Variants in NDP observed in about 807,000 individuals in gnomAD.
NDP encodes norrin.
A neutral mutation model predicts 8.4 loss-of-function variants in NDP; 2 were observed. The ratio of observed to expected loss-of-function variants is 0.24; its 90% CI spans 0.10 to 0.75. NDP has a LOEUF of 0.75. Among genes scored for constraint, NDP ranks in the 30% least tolerant of loss-of-function variants. NDP has a pLI of 0.73. For synonymous variants in NDP, 55 were observed against 45.6 expected, an observed-to-expected ratio of 1.21 and a Z score of -0.83; for missense variants, 81 against 110.1, an observed-to-expected ratio of 0.74 and a Z score of 1.18.
At chrX:43,965,774 T>A (rs2035854773) in intron 1 of NDP, among the ~76,000 whole-genome samples, 1 of 112,005 alleles carries the variant, frequency 8.9e-6, no homozygotes, top group East Asian at 2.8e-4. Context: ...AGAAAAGTTG[T>A]CTTCTCTGCA....
Position 43,958,660 on chromosome X carries a change from A to T in NDP, c.-15T>A. 8.3e-7 allele frequency: 1 copy of T among 1,205,611 alleles called. No homozygotes were observed. The highest frequency in any genetic ancestry group is 1.1e-6 in the Non-Finnish European group (1 of 890,150). The stretch of plus-strand genomic sequence containing the variant: ...TGTTTTCTCATTGTTGTAAGGAAAA[A>T]CTTCTCTAGAAGAACAGCAGAGGGA... On this transcript the variant is annotated 5_prime_UTR_variant, in exon 2 of 3. Coordinates refer to ENST00000642620, the MANE Select transcript of NDP (RefSeq NM_000266.4).
chrX:43,952,827 G>A (rs1043692127), intron 2 of NDP, among the ~76,000 whole-genome samples: 4 of 111,378 alleles, frequency 3.6e-5, no homozygotes, highest in African/African-American at 9.8e-5. Flanking sequence ...AAATCTTGAA[G>A]AGGAGTCAAG....
chrX:43,963,172 G>A (rs1218242356), intron 1 of NDP, among the ~76,000 whole-genome samples: 1 of 112,126 alleles, frequency 8.9e-6, no homozygotes, highest in Non-Finnish European at 1.9e-5. Context: ...CCCTTCTGTG[G>A]CTTCTTTCAA....
rs765315655 is a variant in NDP at position 43,949,468 on chromosome X, GAC to G, written c.*329_*330del. On this transcript the variant is annotated 3_prime_UTR_variant, in exon 3 of 3. Transcript: ENST00000642620. ...AGCGTGCACCAAACACTGACAGCCT[GAC>G]ACGCTTGTGTATGAGGGCCCACTTT... The G allele has an allele frequency of 1.7e-3, 477 of 284,113 alleles. 6 individuals are homozygous for G. The highest frequency in any genetic ancestry group is 5.3e-4 in the Non-Finnish European group (84 of 158,872). The allele number at this position is 284,113 out of a possible 1,213,427, so 23.4% of individuals were successfully genotyped here.
rs776350356 is a variant in NDP at position 43,965,478 on chromosome X, A to G, written c.-207-6626T>C. Among the ~76,000 whole-genome samples, 7 of 111,638 alleles carry G rather than the reference A, an allele frequency of 6.3e-5. No individual in the cohort carries two copies. In the South Asian group the frequency reaches 2.3e-3, roughly 37 times the overall value. The stretch of plus-strand genomic sequence containing the variant: ...ATAATAATAATTTGAAGTAGTGAGG[A>G]TATTTAACCAGTTACTATTTCTCTT... On this transcript the variant is annotated intron_variant, in intron 1 of 2. Coordinates refer to ENST00000642620, the MANE Select transcript of NDP (RefSeq NM_000266.4).
chrX:43,964,646 T>C (rs73625699), intron 1 of NDP, among the ~76,000 whole-genome samples: 2,951 of 111,633 alleles, frequency 0.026, 120 homozygotes, highest in African/African-American at 0.092. Flanking sequence ...CGTGTCCCTA[T>C]ACTGATTTGA....
intron 1 of NDP, among the ~76,000 whole-genome samples, chrX:43,971,985 G>A (rs929053811): frequency 1.9e-4 from 21 of 111,773 alleles, no homozygotes; most frequent in African/African-American, 6.8e-4. Flanking sequence ...CAGTTGAGAA[G>A]CATTGTGCCG....
rs2035809658 is a variant in NDP, at chrX:43,958,684, G to A, written c.-39C>T. ...AACTTCTCTAGAAGAACAGCAGAGGGAGGCAGAGGACAAAAAATTGGAAAT... is the reference window on the plus strand; with the variant it reads ...AACTTCTCTAGAAGAACAGCAGAGGAAGGCAGAGGACAAAAAATTGGAAAT... On this transcript the variant is annotated 5_prime_UTR_variant, in exon 2 of 3. Transcript: ENST00000642620. 8.6e-7 allele frequency: 1 copy of A among 1,159,059 alleles called. No homozygotes were observed. The highest frequency in any genetic ancestry group is 1.2e-6 in the Non-Finnish European group (1 of 849,065).
At chrX:43,955,070 T>C (rs1042405987) in intron 2 of NDP, among the ~76,000 whole-genome samples, 1 of 111,786 alleles carries the variant, frequency 8.9e-6, no homozygotes, top group Non-Finnish European at 1.9e-5. Flanking sequence ...TTTACTTTTA[T>C]CCTCCCTGTT....
At chrX:43,966,992 G>A (rs369459781) in intron 1 of NDP, among the ~76,000 whole-genome samples, 3 of 111,398 alleles carry the variant, frequency 2.7e-5, no homozygotes, top group South Asian at 7.6e-4. Flanking sequence ...ATTCAATCCC[G>A]TTGCAATCCG....
intron 2 of NDP, among the ~76,000 whole-genome samples, chrX:43,950,321 G>A (rs924053870): frequency 9.1e-6 from 1 of 110,433 alleles, no homozygotes; most frequent in African/African-American, 3.3e-5. Context: ...TGATGTGCGA[G>A]TAAAAACCAA....
chrX:43,958,481 A>G lies in NDP; in HGVS notation c.165T>C (p.Cys55=), dbSNP rs201271933. ...GAGACCTTGGTCTTACCTTTGAGCT[A>G]CACTTGTACAATGGGTGACTGATAG... The part of the protein sequence containing the change: ...VDSISHPLYK[C]SSKMVLLARC... Residue 55 remains cysteine, a synonymous_variant, in exon 2 of 3, where the codon TGT becomes TGC. Coordinates refer to ENST00000642620, the MANE Select transcript of NDP (RefSeq NM_000266.4). The G allele has an allele frequency of 6.9e-5, 84 of 1,210,223 alleles. No homozygotes were observed. In the East Asian group the frequency reaches 2.4e-3, roughly 35 times the overall value.
At chrX:43,963,925 G>A (rs1034821719) in intron 1 of NDP, among the ~76,000 whole-genome samples, 1 of 112,745 alleles carries the variant, frequency 8.9e-6, no homozygotes, top group South Asian at 3.6e-4. Context: ...CAGAGGCAGC[G>A]GCACTGACTG....
chrX:43,958,710 G>A lies in NDP; in HGVS notation c.-65C>T. 1 of 984,066 alleles carries A rather than the reference G, an allele frequency of 1.0e-6. No homozygotes were observed. The highest frequency in any genetic ancestry group is 1.4e-6 in the Non-Finnish European group (1 of 693,998). 81.1% of individuals were successfully genotyped at this position (984,066 alleles called of 1,213,427 possible). A position where few individuals can be genotyped will look rare whatever the true frequency, so the allele number is the denominator to read the frequency against. On this transcript the variant is annotated 5_prime_UTR_variant, in exon 2 of 3. Transcript: ENST00000642620. The stretch of plus-strand genomic sequence containing the variant: ...AGGCAGAGGACAAAAAATTGGAAAT[G>A]GCTTCACCTCCTAGGATCCAGTCCC...
intron 1 of NDP, among the ~76,000 whole-genome samples, chrX:43,972,003 T>A (rs1243884640): frequency 8.9e-6 from 1 of 111,970 alleles, no homozygotes; most frequent in East Asian, 2.8e-4. Context: ...CCGTCCCCGC[T>A]GTATTTGGTT....
rs910970272 is a variant in NDP at position 43,968,557 on chromosome X, C to T, written c.-208+4747G>A. On this transcript the variant is annotated intron_variant, in intron 1 of 2. Coordinates refer to ENST00000642620, the MANE Select transcript of NDP (RefSeq NM_000266.4). ...TCTCCTGAAATTAAACACAGAAGTT[C>T]ATGATTGCTGACCTGATGGGCGAGG... Among the ~76,000 whole-genome samples, 11 of 112,519 alleles carry T rather than the reference C, an allele frequency of 9.8e-5. No homozygotes were observed. The South Asian group carries it at 1.1e-3, about 11-fold the overall frequency.
chrX:43,949,875 C>T lies in NDP; in HGVS notation c.326G>A (p.Arg109Gln), dbSNP rs1352453369. Residue 109 changes from arginine (R) to glutamine (Q), a missense_variant, in exon 3 of 3, where the codon CGA (arginine) becomes CAA (glutamine). Arg to Gln is a conservative substitution (Grantham distance 43, BLOSUM62 1). Coordinates refer to ENST00000642620, the MANE Select transcript of NDP (RefSeq NM_000266.4). ...QTSKLKALRL[R>Q]CSGGMRLTAT... ...AGTGAGTCGCATGCCCCCTGAGCAT[C>T]GCAGCCGCAGTGCCTTCAGCTTGGA... The T allele has an allele frequency of 5.9e-6, 7 of 1,195,468 alleles. No individual in the cohort carries two copies. The highest frequency in any genetic ancestry group is 1.7e-5 in the African/African-American group (1 of 57,304).
At chrX:43,970,516 G>GT (rs371302089) in intron 1 of NDP, among the ~76,000 whole-genome samples, 140 of 107,888 alleles carry the variant, frequency 1.3e-3, no homozygotes, top group Non-Finnish European at 1.8e-3. Context: ...TGTTTTCAGG[G>GT]TTTTTTTTTT....
At chrX:43,958,336 C>G (rs375577207) in intron 2 of NDP, 136 bp downstream of exon 2, 1 of 751,024 alleles carries the variant, frequency 1.3e-6, no homozygotes, top group Non-Finnish European at 2.0e-6. Context: ...AAGCCTCATT[C>G]TCCCACAAGC....
Sources: gnomAD v4.1 joint callset for allele counts (sites outside exome capture counted in the v4.1 genomes callset) on GRCh38, gnomAD v4.1.1 for gene constraint, MANE v1.5 for transcripts, NCBI Gene and HGNC (gene_info 2026-07-23, HGNC 2026-07-21) for gene names.